Variants in SLAMF8 observed in about 807,000 individuals in gnomAD.
SLAMF8 encodes SLAM family member 8, also known as B lymphocyte activator macrophage expressed.
Under a neutral mutation model 29.0 loss-of-function variants are expected in SLAMF8, and 23 were observed. The observed-to-expected ratio is 0.79, with a 90% CI of 0.57 to 1.13. SLAMF8 has a LOEUF of 1.13. SLAMF8 is among the 50% of genes most tolerant of loss of function. SLAMF8 has a pLI of 0.00. For synonymous variants in SLAMF8, 139 were observed against 145.6 expected (o/e 0.96, Z 0.32); for missense variants, 381 against 353.1 (o/e 1.08, Z -0.63).
intron 1 of SLAMF8, 118 bp from the exon 2 acceptor site, chr1:159,829,748 T>A: frequency 9.2e-7 from 1 of 1,088,668 alleles, no homozygotes; most frequent in East Asian, 2.4e-5. Context: ...CAACCTCAAC[T>A]TGAGTGGAGG....
Position 159,829,994 on chromosome 1 carries a change from G to A in SLAMF8, c.169G>A (p.Glu57Lys). The A allele has an allele frequency of 1.2e-6, 2 of 1,614,214 alleles. No individual in the cohort carries two copies. Among genetic ancestry groups the A allele is most frequent in the Non-Finnish European group, 1.7e-6 (2 of 1,180,034 alleles). The change falls in exon 2 of 5, where the codon GAA becomes AAA. Residue 57 changes from glutamate to lysine, a missense_variant. Physicochemically the swap from Glu to Lys is moderately conservative, Grantham distance 56 (BLOSUM62 1). Coordinates refer to ENST00000289707, the MANE Select transcript of SLAMF8 (RefSeq NM_020125.3). ...EAIWRSLWPSEELLATFFRGS... is the reference protein window; with the variant it reads ...EAIWRSLWPSKELLATFFRGS... Reference sequence around the variant, plus strand: ...TATCTGGCGATCTCTCTGGCCTTCAGAAGAGCTCCTGGCCACGTTTTTCCG... The same window carrying A: ...TATCTGGCGATCTCTCTGGCCTTCAAAAGAGCTCCTGGCCACGTTTTTCCG...
At chr1:159,827,119 G>C (rs777292877) in intron 1 of SLAMF8, among the ~76,000 whole-genome samples, 181 bp downstream of exon 1, 1 of 152,200 alleles carries the variant, frequency 6.6e-6, no homozygotes, top group Non-Finnish European at 1.5e-5. Context: ...ACAAAGAGAT[G>C]CAGGGTCCTG....
Position 159,833,098 on chromosome 1 carries a change from T to C in SLAMF8, c.590T>C (p.Val197Ala), listed in dbSNP as rs1176119385. 2 of 1,614,222 alleles carry C rather than the reference T, an allele frequency of 1.2e-6. No homozygotes were observed. The highest frequency in any genetic ancestry group is 1.7e-5 in the Admixed American group (1 of 60,034). The change falls in exon 3 of 5, where the codon GTG becomes GCG. Residue 197 changes from valine (V) to alanine (A), a missense_variant. Transcript: ENST00000289707. ...SISLGPGDRDVAYSCIVSNPV... is the reference protein window; with the variant it reads ...SISLGPGDRDAAYSCIVSNPV... ...TCCCTGGGACCAGGAGACAGAGATG[T>C]GGCCTATTCCTGCATTGTCTCCAAC...
At chr1:159,828,426 A>C (rs541136508) in intron 1 of SLAMF8, among the ~76,000 whole-genome samples, 1 of 152,330 alleles carries the variant, frequency 6.6e-6, no homozygotes, top group South Asian at 2.1e-4. Flanking sequence ...GGGGGACCGG[A>C]ATTATCATGG....
rs745355369 is a variant in SLAMF8, at chr1:159,833,041, G to T, written c.533G>T (p.Ser178Ile). The change falls in exon 3 of 5, where the codon AGC becomes ATC. Residue 178 changes from serine to isoleucine, a missense_variant. By Grantham distance (142) the Ser-to-Ile change is moderately radical. Coordinates refer to ENST00000289707, the MANE Select transcript of SLAMF8 (RefSeq NM_020125.3). ...TTMDFGMEPH[S>I]LFTDGQVLSI... is the part of the protein sequence containing the mutation. ...ATGGACTTTGGTATGGAACCACACA[G>T]CCTCTTCACAGACGGACAGGTGCTG... 5.0e-6 allele frequency: 8 copies of T among 1,614,228 alleles called. No individual in the cohort carries two copies. Among genetic ancestry groups the T allele is most frequent in the Admixed American group, 1.7e-5 (1 of 60,024 alleles).
At position 159,829,869 on chromosome 1, in the gene SLAMF8, T is replaced by C; in HGVS notation, c.44T>C (p.Leu15Pro). ...ACCAGGGGCTCTGTTCTTTCAGCCCTACTTCCCATTACAGTTACTGGTGCC... is the reference window on the plus strand; with the variant it reads ...ACCAGGGGCTCTGTTCTTTCAGCCCCACTTCCCATTACAGTTACTGGTGCC... ...PLWSLLLWEA[L>P]LPITVTGAQV... Residue 15 changes from leucine (L) to proline (P), a missense_variant, in exon 2 of 5, where the codon CTA (leucine) becomes CCA (proline). Physicochemically the swap from Leu to Pro is moderately conservative, Grantham distance 98. Transcript: ENST00000289707. 6.2e-7 allele frequency: 1 copy of C among 1,604,126 alleles called. No individual in the cohort carries two copies. Among genetic ancestry groups the C allele is most frequent in the East Asian group, 2.2e-5 (1 of 44,744 alleles).
Position 159,835,701 on chromosome 1 carries a change from G to A in SLAMF8, c.*441G>A. On this transcript the variant is annotated 3_prime_UTR_variant, in exon 5 of 5. Coordinates refer to ENST00000289707, the MANE Select transcript of SLAMF8 (RefSeq NM_020125.3). ...ATTTGAACTAATAGAGGAACTCTGA[G>A]TCACCCATGCCAGCATCAGCTTCAG... 1 of 987,594 alleles carries A rather than the reference G, an allele frequency of 1.0e-6. No individual in the cohort carries two copies. Among genetic ancestry groups the A allele is most frequent in the Non-Finnish European group, 1.2e-6 (1 of 831,376 alleles). 61.2% of individuals were successfully genotyped at this position (987,594 alleles called of 1,614,324 possible).
At chr1:159,830,224 T>A in intron 2 of SLAMF8, 32 bp downstream of exon 2, 1 of 1,533,672 alleles carries the variant, frequency 6.5e-7, no homozygotes, top group Non-Finnish European at 8.8e-7. Context: ...TGCCTGGCCC[T>A]CTTCCCCCAC....
chr1:159,834,829 G>A, intron 4 of SLAMF8: 1 of 210,572 alleles, frequency 4.7e-6, no homozygotes, highest in Non-Finnish European at 9.6e-6. Context: ...CCACTGAGAA[G>A]GGACCCAACA....
Position 159,837,426 on chromosome 1 carries a change from T to A in SLAMF8, c.*2166T>A. 1 of 480,620 alleles carries A rather than the reference T, an allele frequency of 2.1e-6. No homozygotes were observed. Among genetic ancestry groups the A allele is most frequent in the Non-Finnish European group, 2.7e-6 (1 of 368,498 alleles). 29.8% of individuals were successfully genotyped at this position (480,620 alleles called of 1,614,324 possible). On this transcript the variant is annotated 3_prime_UTR_variant, in exon 5 of 5. Transcript: ENST00000289707. ...ACATTTCTTGGCACTTGGGAATCAG[T>A]AGTCAAGCGAAACCCTTGCCTTTGA...
Position 159,833,374 on chromosome 1 carries a change from G to C in SLAMF8, c.781+5G>C. ...GGCACTGGTGCCCCTGCTCAGGTAG[G>C]AGTCCTGCAGGTGCAGGAGGTAGGT... On this transcript the variant is annotated splice_donor_5th_base_variant and intron_variant, in intron 4 of 4. Transcript: ENST00000289707. The C allele has an allele frequency of 5.0e-6, 8 of 1,614,030 alleles. No individual in the cohort carries two copies. The highest frequency in any genetic ancestry group is 5.9e-6 in the Non-Finnish European group (7 of 1,179,980).
chr1:159,830,695 A>G lies in SLAMF8; in HGVS notation c.367+503A>G, dbSNP rs531167022. Among the ~76,000 whole-genome samples, 13 of 152,336 alleles carry G rather than the reference A, an allele frequency of 8.5e-5. No homozygotes were observed. In the East Asian group the frequency reaches 2.5e-3, roughly 29 times the overall value. ...TCTAAAGGAAAAAAAATGATGTACC[A>G]TACTAAACTATGACATAATGGGTTT... On this transcript the variant is annotated intron_variant, in intron 2 of 4. Coordinates refer to ENST00000289707, the MANE Select transcript of SLAMF8 (RefSeq NM_020125.3).
At chr1:159,832,778 C>CCTGGTT in intron 2 of SLAMF8, 98 bp from the exon 3 acceptor site, 7 of 1,361,258 alleles carry the variant, frequency 5.1e-6, no homozygotes, top group Non-Finnish European at 7.1e-6. Flanking sequence ...GAGGCCTAGC[C>CCTGGTT]AGAGGTGGCA....
rs1647887386 is a variant in SLAMF8 at position 159,835,826 on chromosome 1, G to C, written c.*566G>C. On this transcript the variant is annotated 3_prime_UTR_variant, in exon 5 of 5. Transcript: ENST00000289707. Reference sequence around the variant, plus strand: ...GGTGAAAGTGAGAGGTGGGGGACAGGGGTTTCTCTTTCTGGCCTAAGGACT... The same window carrying C: ...GGTGAAAGTGAGAGGTGGGGGACAGCGGTTTCTCTTTCTGGCCTAAGGACT... The C allele has an allele frequency of 7.1e-6, 7 of 985,422 alleles. No individual in the cohort carries two copies. Among genetic ancestry groups the C allele is most frequent in the Non-Finnish European group, 7.2e-6 (6 of 830,044 alleles). The allele number at this position is 985,422 out of a possible 1,614,324, so 61.0% of individuals were successfully genotyped here.
At chr1:159,830,982 T>A (rs1237328355) in intron 2 of SLAMF8, among the ~76,000 whole-genome samples, 1 of 152,150 alleles carries the variant, frequency 6.6e-6, no homozygotes, top group East Asian at 1.9e-4. Flanking sequence ...GCAGCTACAT[T>A]CAGCACCTCG....
At chr1:159,831,609 T>C (rs956139039) in intron 2 of SLAMF8, among the ~76,000 whole-genome samples, 1 of 152,194 alleles carries the variant, frequency 6.6e-6, no homozygotes, top group African/African-American at 2.4e-5. Flanking sequence ...TGATAATACA[T>C]GCAGCACCCA....
intron 2 of SLAMF8, 33 bp from the exon 3 acceptor site, chr1:159,832,843 G>A: frequency 6.2e-7 from 1 of 1,600,158 alleles, no homozygotes; most frequent in Non-Finnish European, 8.5e-7. Flanking sequence ...CAGCATCCCT[G>A]AGACCCATAC....
chr1:159,832,511 TAGA>T (rs1647556588), intron 2 of SLAMF8, among the ~76,000 whole-genome samples: 1 of 152,146 alleles, frequency 6.6e-6, no homozygotes, highest in South Asian at 2.1e-4. Flanking sequence ...GAAGGATGGG[TAGA>T]AGTTTTCTAG....
intron 4 of SLAMF8, 105 bp downstream of exon 4, chr1:159,833,474 C>T: frequency 2.6e-6 from 4 of 1,510,174 alleles, no homozygotes; most frequent in Non-Finnish European, 3.6e-6. Context: ...TCTGCCCCTT[C>T]CTACCTCTCC....
Sources: allele counts gnomAD v4.1 joint callset (sites outside exome capture counted in the v4.1 genomes callset), GRCh38; gene constraint gnomAD v4.1.1; transcripts MANE v1.5; gene names NCBI Gene and HGNC (gene_info 2026-07-23, HGNC 2026-07-21).